TSNAX: variants seen among roughly 807,000 people sequenced by gnomAD.
TSNAX encodes the protein translin-associated protein X.
A neutral mutation model predicts 33.0 loss-of-function variants in TSNAX; 12 were observed. The observed-to-expected ratio is 0.36, with a 90% CI of 0.23 to 0.59. The LOEUF (loss-of-function observed/expected upper bound fraction) is 0.59, where lower values mean the gene tolerates loss of function less well. TSNAX is among the 20% of genes least tolerant of loss of function. The pLI, the probability that TSNAX is intolerant of heterozygous loss-of-function variation, is 0.74. For missense variants in TSNAX, 267 were observed against 341.3 expected (o/e 0.78, Z 1.72); for synonymous variants, 110 against 117.2 (o/e 0.94, Z 0.40).
intron 4 of TSNAX, among the ~76,000 whole-genome samples, chr1:231,553,044 G>T (rs1474685859): frequency 6.6e-6 from 1 of 152,110 alleles, no homozygotes; most frequent in Non-Finnish European, 1.5e-5. Context: ...AATAATAACT[G>T]CTGTTAATAT....
At chr1:231,543,102 C>T (rs913757259) in intron 4 of TSNAX, among the ~76,000 whole-genome samples, 4 of 151,484 alleles carry the variant, frequency 2.6e-5, no homozygotes, top group South Asian at 4.2e-4. Context: ...CACTTGAACC[C>T]GGGAGGTGGA....
chr1:231,540,173 C>CAAAAAAAAAAA (rs10714707), intron 3 of TSNAX, among the ~76,000 whole-genome samples: 2 of 70,430 alleles, frequency 2.8e-5, no homozygotes, highest in African/African-American at 4.5e-5. Context: ...GACTCTGTCT[C>CAAAAAAAAAAA]AAAAAAAAAA....
At chr1:231,557,940 G>T (rs925553623) in intron 4 of TSNAX, among the ~76,000 whole-genome samples, 17 of 152,010 alleles carry the variant, frequency 1.1e-4, no homozygotes, top group Non-Finnish European at 1.5e-5. Context: ...AACCATATAG[G>T]GGATTATAAG....
chr1:231,549,242 G>A (rs1203016585), intron 4 of TSNAX, among the ~76,000 whole-genome samples: 1 of 152,082 alleles, frequency 6.6e-6, no homozygotes, highest in Non-Finnish European at 1.5e-5. Flanking sequence ...TCAGGAGTTC[G>A]AGACCAGCCT....
chr1:231,533,554 A>C (rs1305598466), intron 2 of TSNAX, among the ~76,000 whole-genome samples: 1 of 152,230 alleles, frequency 6.6e-6, no homozygotes, highest in African/African-American at 2.4e-5. Flanking sequence ...TCAGATCAAT[A>C]TTCTACTGTT....
At chr1:231,549,019 G>T (rs1660122712) in intron 4 of TSNAX, among the ~76,000 whole-genome samples, 1 of 152,208 alleles carries the variant, frequency 6.6e-6, no homozygotes, top group African/African-American at 2.4e-5. Flanking sequence ...CAGATGGGCA[G>T]TTACAGATGG....
chr1:231,537,072 C>A, intron 2 of TSNAX, 141 bp from the exon 3 acceptor site: 2 of 533,284 alleles, frequency 3.8e-6, no homozygotes, highest in Non-Finnish European at 3.4e-6. Context: ...ACCTCATGAT[C>A]CACCTACCGT....
chr1:231,551,846 G>A (rs1174700370), intron 4 of TSNAX, among the ~76,000 whole-genome samples: 2 of 150,580 alleles, frequency 1.3e-5, no homozygotes, highest in East Asian at 3.9e-4. Flanking sequence ...AACACCATTA[G>A]CTAGGCATAG....
chr1:231,556,333 A>G (rs1330406736), intron 4 of TSNAX, among the ~76,000 whole-genome samples: 1 of 152,342 alleles, frequency 6.6e-6, no homozygotes, highest in East Asian at 1.9e-4. Flanking sequence ...AATTTGGAAT[A>G]TTTTGAACTA....
chr1:231,552,272 G>A (rs116777037), intron 4 of TSNAX, among the ~76,000 whole-genome samples: 2,079 of 152,098 alleles, frequency 0.014, 59 homozygotes, highest in African/African-American at 0.048. Flanking sequence ...CTGGGCAACA[G>A]AGCCAGGTTG....
chr1:231,540,673 T>C (rs1310336335), intron 3 of TSNAX, among the ~76,000 whole-genome samples: 6 of 152,226 alleles, frequency 3.9e-5, no homozygotes, highest in Admixed American at 3.3e-4. Flanking sequence ...GCGTCACTTA[T>C]TTCCTTATGA....
At position 231,566,126 on chromosome 1, in the gene TSNAX, G is replaced by A. The variant is rs1332404663; in HGVS notation, c.*1221G>A. 5 of 152,300 alleles carry A rather than the reference G, an allele frequency of 3.3e-5. No homozygotes were observed. Among genetic ancestry groups the A allele is most frequent in the Non-Finnish European group, 5.9e-5 (4 of 67,960 alleles). The allele number at this position is 152,300 out of a possible 1,614,324, so 9.4% of individuals were successfully genotyped here. A position where few individuals can be genotyped will look rare whatever the true frequency, so the allele number is the denominator to read the frequency against. ...TTTAAATTTAAATAATTTAAGTCTA[G>A]CATTTACTTTTAAATAATTATAATG... On this transcript the variant is annotated 3_prime_UTR_variant, in exon 6 of 6. Transcript: ENST00000366639.
intron 2 of TSNAX, among the ~76,000 whole-genome samples, chr1:231,532,049 G>A (rs1422312318): frequency 3.3e-5 from 5 of 149,932 alleles, no homozygotes; most frequent in Non-Finnish European, 1.5e-5. Flanking sequence ...TCCAGGCTGG[G>A]CAACAGAGAC....
intron 4 of TSNAX, among the ~76,000 whole-genome samples, chr1:231,560,267 T>G (rs1030212393): frequency 6.7e-6 from 1 of 149,284 alleles, no homozygotes; most frequent in East Asian, 2.0e-4. Context: ...GCGTGAGCCA[T>G]CGTGAACGGC....
chr1:231,560,062 C>T (rs906842164), intron 4 of TSNAX, among the ~76,000 whole-genome samples: 3 of 151,338 alleles, frequency 2.0e-5, no homozygotes, highest in African/African-American at 7.3e-5. Context: ...TCACTGCAAG[C>T]TCTGCTTCCC....
At chr1:231,549,394 T>G (rs1257486270) in intron 4 of TSNAX, among the ~76,000 whole-genome samples, 1 of 152,138 alleles carries the variant, frequency 6.6e-6, no homozygotes, top group East Asian at 1.9e-4. Context: ...CACTCCAGCT[T>G]GGGAGACAGA....
At chr1:231,553,975 C>T (rs1458828809) in intron 4 of TSNAX, among the ~76,000 whole-genome samples, 1 of 152,170 alleles carries the variant, frequency 6.6e-6, no homozygotes, top group East Asian at 1.9e-4. Flanking sequence ...CGTGAGCCAC[C>T]ACGCCTGGCC....
rs146628264 is a variant in TSNAX at position 231,550,378 on chromosome 1, A to C, written c.367+7767A>C. On this transcript the variant is annotated intron_variant, in intron 4 of 5. Transcript: ENST00000366639. The stretch of plus-strand genomic sequence containing the variant: ...GCTGAGCTGTGGACTTCTTTTGTAA[A>C]CCCCCAAAAAGAGGTGCCTTAAGGG... 6.1e-3 allele frequency among the ~76,000 whole-genome samples: 924 copies of C among 151,874 alleles called. 9 individuals are homozygous for C. Among genetic ancestry groups the C allele is most frequent in the African/African-American group, 0.021 (879 of 41,404 alleles).
chr1:231,551,652 C>T lies in TSNAX; in HGVS notation c.367+9041C>T, dbSNP rs200051190. Among the ~76,000 whole-genome samples the T allele has an allele frequency of 4.7e-4, 72 of 151,928 alleles. 1 individual carries two copies. The South Asian group carries it at 0.014, about 30-fold the overall frequency. On this transcript the variant is annotated intron_variant, in intron 4 of 5. Coordinates refer to ENST00000366639, the MANE Select transcript of TSNAX (RefSeq NM_005999.3). ...CAGTGGTACCAATTTGCTCAATACT[C>T]GTTCTTCAGTGCTGATGTAAAAACC...
Sources: allele counts gnomAD v4.1 joint callset (sites outside exome capture counted in the v4.1 genomes callset), GRCh38; gene constraint gnomAD v4.1.1; transcripts MANE v1.5; gene names NCBI Gene and HGNC (gene_info 2026-07-23, HGNC 2026-07-21).